NPAS3: variants seen among roughly 807,000 people sequenced by gnomAD.
The protein encoded by NPAS3 is neuronal PAS domain-containing protein 3.
Under a neutral mutation model 73.1 loss-of-function variants are expected in NPAS3, and 14 were observed. The observed-to-expected ratio is 0.19, with a 90% CI of 0.13 to 0.30. NPAS3 has a LOEUF of 0.30. NPAS3 is among the 10% of genes least tolerant of loss of function. NPAS3 has a pLI of 1.00. For synonymous variants in NPAS3, 620 were observed against 541.5 expected (o/e 1.14, Z -2.01); for missense variants, 1,096 against 1,250.0 (o/e 0.88, Z 1.86).
chr14:33,083,920 G>T (rs1004876290), intron 2 of NPAS3, among the ~76,000 whole-genome samples: 1 of 152,154 alleles, frequency 6.6e-6, no homozygotes, highest in African/African-American at 2.4e-5. Flanking sequence ...TCTAAGAACT[G>T]GAGTTAATAC....
intron 3 of NPAS3, among the ~76,000 whole-genome samples, chr14:33,277,598 C>G (rs2041394654): frequency 6.6e-6 from 1 of 152,092 alleles, no homozygotes; most frequent in Non-Finnish European, 1.5e-5. Context: ...TTTAGCTTCT[C>G]TGAGAGGCAA....
chr14:33,646,565 A>T (rs769386667), intron 5 of NPAS3, among the ~76,000 whole-genome samples: 22 of 152,206 alleles, frequency 1.4e-4, no homozygotes, highest in Non-Finnish European at 2.6e-4. Context: ...CACTCATGTG[A>T]TCTCATAGTC....
At chr14:33,310,569 T>A (rs1178147934) in intron 3 of NPAS3, among the ~76,000 whole-genome samples, 1 of 152,178 alleles carries the variant, frequency 6.6e-6, no homozygotes, top group Non-Finnish European at 1.5e-5. Context: ...TTCACCCTGT[T>A]GTTACTTTAA....
intron 4 of NPAS3, among the ~76,000 whole-genome samples, chr14:33,479,548 G>C (rs1011550822): frequency 7.9e-5 from 12 of 152,178 alleles, no homozygotes; most frequent in Admixed American, 1.3e-4. Flanking sequence ...TTTGTGTGCT[G>C]TTAAGAAAAG....
intron 4 of NPAS3, among the ~76,000 whole-genome samples, chr14:33,464,788 C>T (rs921273028): frequency 6.6e-6 from 1 of 152,156 alleles, no homozygotes; most frequent in African/African-American, 2.4e-5. Context: ...CTGTATGATG[C>T]CAAGTGCAAA....
At chr14:33,554,178 T>C (rs963809536) in intron 4 of NPAS3, among the ~76,000 whole-genome samples, 1 of 152,202 alleles carries the variant, frequency 6.6e-6, no homozygotes, top group Non-Finnish European at 1.5e-5. Flanking sequence ...GGAGGCAGTT[T>C]TCTCACAGAG....
At chr14:33,114,595 C>T (rs1360951573) in intron 2 of NPAS3, among the ~76,000 whole-genome samples, 1 of 152,090 alleles carries the variant, frequency 6.6e-6, no homozygotes, top group Non-Finnish European at 1.5e-5. Flanking sequence ...CACATAAATG[C>T]AATCAACAGA....
chr14:33,527,710 A>C (rs956245365), intron 4 of NPAS3, among the ~76,000 whole-genome samples: 4 of 152,198 alleles, frequency 2.6e-5, no homozygotes, highest in African/African-American at 9.6e-5. Context: ...CTGGTTGATT[A>C]ACTGGTTTCC....
chr14:33,338,935 C>T (rs2140303609), intron 3 of NPAS3, among the ~76,000 whole-genome samples: 1 of 152,290 alleles, frequency 6.6e-6, no homozygotes, highest in Non-Finnish European at 1.5e-5. Flanking sequence ...TACATCTTCT[C>T]TTATTTCTGT....
intron 4 of NPAS3, among the ~76,000 whole-genome samples, chr14:33,501,019 A>T (rs937104523): frequency 6.6e-6 from 1 of 152,008 alleles, no homozygotes; most frequent in African/African-American, 2.4e-5. Context: ...CATACTTAGG[A>T]TGTTGTCTTT....
At chr14:33,030,806 C>T (rs550766645) in intron 1 of NPAS3, among the ~76,000 whole-genome samples, 126 of 152,246 alleles carry the variant, frequency 8.3e-4, no homozygotes, top group Non-Finnish European at 1.0e-3. Context: ...TTTGTCTGTA[C>T]ATATACACAA....
intron 2 of NPAS3, among the ~76,000 whole-genome samples, chr14:33,197,928 T>C (rs2046435790): frequency 6.6e-6 from 1 of 152,246 alleles, no homozygotes; most frequent in Non-Finnish European, 1.5e-5. Context: ...GTCCAGACTT[T>C]GTTCCTTCTG....
chr14:33,597,781 T>G (rs1168126289), intron 5 of NPAS3, among the ~76,000 whole-genome samples: 2 of 152,228 alleles, frequency 1.3e-5, no homozygotes, highest in Non-Finnish European at 2.9e-5. Flanking sequence ...GACTCAAAAG[T>G]ATCTGGTTTT....
intron 2 of NPAS3, among the ~76,000 whole-genome samples, chr14:33,207,827 G>A (rs1218967273): frequency 6.6e-6 from 1 of 152,202 alleles, no homozygotes; most frequent in Non-Finnish European, 1.5e-5. Flanking sequence ...TCTTATATCA[G>A]CTGTGTCATC....
At chr14:33,148,696 A>T (rs543846638) in intron 2 of NPAS3, among the ~76,000 whole-genome samples, 7 of 152,142 alleles carry the variant, frequency 4.6e-5, no homozygotes, top group East Asian at 1.9e-4. Flanking sequence ...TTTAAAAAAA[A>T]TTTTTTTGGA....
At chr14:33,196,695 C>T (rs187653909) in intron 2 of NPAS3, among the ~76,000 whole-genome samples, 42 of 152,322 alleles carry the variant, frequency 2.8e-4, no homozygotes, top group Non-Finnish European at 5.4e-4. Context: ...CTTTCATGTA[C>T]AAATTGTTCA....
At chr14:33,647,275 T>C (rs986498733) in intron 5 of NPAS3, among the ~76,000 whole-genome samples, 4 of 150,622 alleles carry the variant, frequency 2.7e-5, no homozygotes, top group African/African-American at 5.0e-5. Context: ...TCTTACTCTC[T>C]CTCTCTCTCT....
At chr14:33,444,901 A>G (rs115447834) in intron 4 of NPAS3, among the ~76,000 whole-genome samples, 2,491 of 152,354 alleles carry the variant, frequency 0.016, 65 homozygotes, top group African/African-American at 0.057. Flanking sequence ...TTCCCTCATC[A>G]TCATCTTATC....
intron 4 of NPAS3, among the ~76,000 whole-genome samples, chr14:33,457,509 C>G (rs1566920701): frequency 6.6e-6 from 1 of 152,222 alleles, no homozygotes; most frequent in Non-Finnish European, 1.5e-5. Context: ...AAGGGCATAG[C>G]AGGAGCAATG....
Sources: allele counts gnomAD v4.1 joint callset (sites outside exome capture counted in the v4.1 genomes callset), GRCh38; gene constraint gnomAD v4.1.1; transcripts MANE v1.5; gene names NCBI Gene and HGNC (gene_info 2026-07-23, HGNC 2026-07-21).